RNF123: variants seen among roughly 807,000 people sequenced by gnomAD.
RNF123 encodes the protein E3 ubiquitin-protein ligase RNF123.
In RNF123, 86 loss-of-function variants were observed where a neutral mutation model predicts 168.5. That is an observed-to-expected ratio of 0.51 (90% CI 0.43 to 0.61). The LOEUF (loss-of-function observed/expected upper bound fraction) is 0.61. RNF123 is among the 20% of genes least tolerant of loss of function. The probability of loss-of-function intolerance (pLI) is 0.00; values close to 1 mark genes in which losing one functional copy is unlikely to be tolerated. For synonymous variants in RNF123, 666 were observed against 689.1 expected (o/e 0.97, Z 0.52); for missense variants, 1,419 against 1,729.7 (o/e 0.82, Z 3.19).
At chr3:49,697,569 A>G in intron 5 of RNF123, 112 bp downstream of exon 5, 1 of 841,124 alleles carries the variant, frequency 1.2e-6, no homozygotes, top group Non-Finnish European at 1.8e-6. Flanking sequence ...TGCAGCCAAA[A>G]CTTGTCCTGA....
At chr3:49,697,118 C>T in intron 3 of RNF123, 25 bp from the exon 4 acceptor site, 1 of 1,600,538 alleles carries the variant, frequency 6.2e-7, no homozygotes. Context: ...CTTGTGGACC[C>T]CTGGCAGCCT....
rs1575526719 is a variant in RNF123 at position 49,702,128 on chromosome 3, A to G, written c.1541A>G (p.Asn514Ser). 6.2e-7 allele frequency: 1 copy of G among 1,614,130 alleles called. No individual in the cohort carries two copies. The highest frequency in any genetic ancestry group is 8.5e-7 in the Non-Finnish European group (1 of 1,179,992). The change falls in exon 18 of 39, where the codon AAT becomes AGT. Residue 514 changes from asparagine to serine, a missense_variant. Coordinates refer to ENST00000327697, the MANE Select transcript of RNF123 (RefSeq NM_022064.5). ...CAGATCCTGAAGCTGCTGCTGGACA[A>G]TAAAGATGACAATGGGGTGAGTGAC... The part of the protein sequence containing the change: ...QVQILKLLLD[N>S]KDDNGGEASR...
chr3:49,713,620 G>A lies in RNF123; in HGVS notation c.2749+33G>A, dbSNP rs1010967055. The stretch of plus-strand genomic sequence containing the variant: ...GCCCCTACAGAGGGTACAGGGGGAG[G>A]GGGATGGGATGGCACCTCTGGTCGG... On this transcript the variant is annotated intron_variant, in intron 28 of 38. Coordinates refer to ENST00000327697, the MANE Select transcript of RNF123 (RefSeq NM_022064.5). 4 of 1,603,002 alleles carry A rather than the reference G, an allele frequency of 2.5e-6. No individual in the cohort carries two copies. In the African/African-American group the frequency reaches 4.0e-5, roughly 16 times the overall value.
Position 49,713,603 on chromosome 3 carries a change from A to G in RNF123, c.2749+16A>G, listed in dbSNP as rs780928481. 1 of 1,609,216 alleles carries G rather than the reference A, an allele frequency of 6.2e-7. No individual in the cohort carries two copies. Among genetic ancestry groups the G allele is most frequent in the Non-Finnish European group, 8.5e-7 (1 of 1,177,824 alleles). On this transcript the variant is annotated intron_variant, in intron 28 of 38. Transcript: ENST00000327697. ...GTGGGCACTGGTGAGGGGCCCCTAC[A>G]GAGGGTACAGGGGGAGGGGGATGGG...
chr3:49,713,562 T>C lies in RNF123; in HGVS notation c.2724T>C (p.Phe908=), dbSNP rs200445705. 13 of 1,612,686 alleles carry C rather than the reference T, an allele frequency of 8.1e-6. No homozygotes were observed. In the East Asian group the frequency reaches 2.9e-4, roughly 36 times the overall value. Residue 908 remains phenylalanine (F), a synonymous_variant, in exon 28 of 39, where the codon TTT becomes TTC. Coordinates refer to ENST00000327697, the MANE Select transcript of RNF123 (RefSeq NM_022064.5). Reference sequence around the variant, plus strand: ...TGGCTGCCATTCTCGCCAAACACTTTGCCGACGCACGCATTGTGGGCACTG... The same window carrying C: ...TGGCTGCCATTCTCGCCAAACACTTCGCCGACGCACGCATTGTGGGCACTG... ...TRLAAILAKH[F]ADARIVGTDI... is the part of the protein sequence containing the mutation.
Position 49,691,158 on chromosome 3 carries a change from G to A in RNF123, c.-8G>A. 6.2e-7 allele frequency: 1 copy of A among 1,613,516 alleles called. No homozygotes were observed. Among genetic ancestry groups the A allele is most frequent in the African/African-American group, 1.3e-5 (1 of 75,036 alleles). ...CCAGGACCACTGGCTGCCCATGAGAGATGAAGGATGGCATCCAAGGGGGCC... is the reference window on the plus strand; with the variant it reads ...CCAGGACCACTGGCTGCCCATGAGAAATGAAGGATGGCATCCAAGGGGGCC... On this transcript the variant is annotated 5_prime_UTR_variant, in exon 2 of 39. Coordinates refer to ENST00000327697, the MANE Select transcript of RNF123 (RefSeq NM_022064.5).
chr3:49,720,864 T>C lies in RNF123; in HGVS notation c.3708T>C (p.Ser1236=), dbSNP rs777330707. The C allele has an allele frequency of 3.7e-6, 6 of 1,614,190 alleles. No individual in the cohort carries two copies. In the South Asian group the frequency reaches 5.5e-5, roughly 15 times the overall value. The change falls in exon 37 of 39, where the codon TCT becomes TCC. Residue 1236 remains serine, a synonymous_variant. Coordinates refer to ENST00000327697, the MANE Select transcript of RNF123 (RefSeq NM_022064.5). ...AACAGATGCTGGCGCACCTGACCTC[T>C]GCATCTGCCCAGGCAGCAGCTGCCT... ...QVEQMLAHLT[S]ASAQAAAASL...
chr3:49,713,021 C>A, intron 27 of RNF123: 1 of 679,752 alleles, frequency 1.5e-6, no homozygotes, highest in Non-Finnish European at 2.7e-6. Context: ...TGGTCAGGGG[C>A]AGAATGGTTT....
In RNF123 at chr3:49,700,593, C is replaced by T. The variant is rs1045373893; in HGVS notation, c.1203+29C>T. ...GGAGCCCCTACCCCTGCCCTGAGCC[C>T]CCTGGGACTCGCCTGTCCACTCTGA... On this transcript the variant is annotated intron_variant, in intron 14 of 38. Transcript: ENST00000327697. 6 of 1,614,062 alleles carry T rather than the reference C, an allele frequency of 3.7e-6. No individual in the cohort carries two copies. In the African/African-American group the frequency reaches 8.0e-5, roughly 22 times the overall value.
chr3:49,716,741 G>T (rs890779946), intron 35 of RNF123: 4 of 462,332 alleles, frequency 8.7e-6, no homozygotes, highest in Non-Finnish European at 1.6e-5. Context: ...CTCAGGCCAG[G>T]CATGGGAGGC....
At chr3:49,712,776 G>A (rs914996574) in intron 27 of RNF123, 120 bp downstream of exon 27, 34 of 1,172,644 alleles carry the variant, frequency 2.9e-5, no homozygotes, top group Non-Finnish European at 4.2e-5. Flanking sequence ...GCGGGGAGGG[G>A]AGGAGCTTCC....
At position 49,699,247 on chromosome 3, in the gene RNF123, G is replaced by A. The variant is rs1050631039; in HGVS notation, c.764+142G>A. The stretch of plus-strand genomic sequence containing the variant: ...TTAGTGGGGGGCCATGTAGAGTGTC[G>A]AAGAAAACTTTCCTCGCAGCAGCCT... On this transcript the variant is annotated intron_variant, in intron 10 of 38. Coordinates refer to ENST00000327697, the MANE Select transcript of RNF123 (RefSeq NM_022064.5). The surrounding 1 kb of genome is among the most constrained non-coding windows in gnomAD (Gnocchi z 4.8). 2.8e-5 allele frequency: 35 copies of A among 1,251,424 alleles called. No homozygotes were observed. The Admixed American group carries it at 5.3e-4, about 19-fold the overall frequency. The allele number at this position is 1,251,424 out of a possible 1,614,324, so 77.5% of individuals were successfully genotyped here. A position where few individuals can be genotyped will look rare whatever the true frequency, so the allele number is the denominator to read the frequency against.
chr3:49,698,954 GCT>G, intron 9 of RNF123, 24 bp from the exon 10 acceptor site: 1 of 1,612,726 alleles, frequency 6.2e-7, no homozygotes. Context: ...CTTAGCACTG[GCT>G]CACAGACCCA....
intron 3 of RNF123, among the ~76,000 whole-genome samples, chr3:49,695,115 G>A (rs2054242036): frequency 1.3e-5 from 2 of 152,230 alleles, no homozygotes; most frequent in South Asian, 2.1e-4. Flanking sequence ...TGCTCCAAGT[G>A]TGGGCTTGTT....
intron 25 of RNF123, among the ~76,000 whole-genome samples, chr3:49,706,311 T>C (rs906589814): frequency 6.6e-6 from 1 of 152,204 alleles, no homozygotes; most frequent in African/African-American, 2.4e-5. Context: ...TCATCAATTA[T>C]TCATTGACCC....
intron 31 of RNF123, 62 bp downstream of exon 31, chr3:49,714,236 T>C (rs1404909879): frequency 6.8e-7 from 1 of 1,468,776 alleles, no homozygotes; most frequent in African/African-American, 1.4e-5. Flanking sequence ...CTCCTACCCA[T>C]GGGTTCTTTC....
In RNF123 at chr3:49,702,706, A is replaced by G. The variant is rs776627011; in HGVS notation, c.1703A>G (p.Tyr568Cys). 7 of 1,614,128 alleles carry G rather than the reference A, an allele frequency of 4.3e-6. No homozygotes were observed. The highest frequency in any genetic ancestry group is 3.3e-4 in the Middle Eastern group (2 of 6,062). ...LHRLISALRYYWDEYKASNPH... is the reference protein window; with the variant it reads ...LHRLISALRYCWDEYKASNPH... ...CGGCTGATCTCTGCCCTGCGCTACT[A>G]TTGGGATGAATACAAGGCTTCCAAT... is the stretch of plus-strand genomic sequence containing the variant. The change falls in exon 20 of 39, where the codon TAT becomes TGT. Residue 568 changes from tyrosine to cysteine, a missense_variant. By Grantham distance (194) the Tyr-to-Cys change is radical. This residue lies in a region of RNF123 where 349 missense variants were observed against 344.9 expected (regional missense o/e 1.01). Transcript: ENST00000327697.
At position 49,702,768 on chromosome 3, in the gene RNF123, G is replaced by C; in HGVS notation, c.1750+15G>C. 1.2e-6 allele frequency: 2 copies of C among 1,613,998 alleles called. No homozygotes were observed. The highest frequency in any genetic ancestry group is 1.7e-6 in the Non-Finnish European group (2 of 1,179,908). On this transcript the variant is annotated intron_variant, in intron 20 of 38. Coordinates refer to ENST00000327697, the MANE Select transcript of RNF123 (RefSeq NM_022064.5). ...CTTCAGTGAGGGTGAGTGGCACCGG[G>C]GTCCCAGGTCAGTGAGGCTGGACAG...
chr3:49,696,322 G>A (rs2054266167), intron 3 of RNF123, among the ~76,000 whole-genome samples: 1 of 151,910 alleles, frequency 6.6e-6, no homozygotes, highest in South Asian at 2.1e-4. Context: ...TTTTACAGAT[G>A]AAGGAATTAA....
Sources: gnomAD v4.1 joint callset for allele counts (sites outside exome capture counted in the v4.1 genomes callset) on GRCh38, gnomAD v4.1.1 for gene constraint, gnomAD v4.1.1 regional missense constraint, Gnocchi (gnomAD v3.1) non-coding constraint, MANE v1.5 for transcripts, NCBI Gene and HGNC (gene_info 2026-07-23, HGNC 2026-07-21) for gene names.